HDAC4: variants seen among roughly 807,000 people sequenced by gnomAD.
HDAC4 encodes histone deacetylase 4.
A neutral mutation model predicts 135.1 loss-of-function variants in HDAC4; 16 were observed. The ratio of observed to expected loss-of-function variants is 0.12; its 90% CI spans 0.08 to 0.18. The LOEUF (loss-of-function observed/expected upper bound fraction) is 0.18, where lower values mean the gene tolerates loss of function less well. Among genes scored for constraint, HDAC4 ranks in the 10% least tolerant of loss-of-function variants. The pLI is 1.00. For missense variants in HDAC4, 1,143 were observed against 1,511.8 expected, an observed-to-expected ratio of 0.76 and a Z score of 4.05; for synonymous variants, 685 against 653.4, an observed-to-expected ratio of 1.05 and a Z score of -0.74.
intron 1 of HDAC4, among the ~76,000 whole-genome samples, chr2:239,360,440 A>T (rs1433271008): frequency 6.6e-6 from 1 of 152,194 alleles, no homozygotes; most frequent in African/African-American, 2.4e-5. Flanking sequence ...GGGTCTGCCC[A>T]GGCACCCTGC....
intron 13 of HDAC4, 77 bp from the exon 14 acceptor site, chr2:239,111,789 T>C: frequency 7.4e-7 from 1 of 1,348,524 alleles, no homozygotes; most frequent in African/African-American, 1.4e-5. Flanking sequence ...GGTTGCCCTC[T>C]CTTGCAAGTC....
intron 15 of HDAC4, among the ~76,000 whole-genome samples, chr2:239,105,507 G>T (rs1046625423): frequency 1.3e-5 from 2 of 152,220 alleles, no homozygotes; most frequent in Admixed American, 1.3e-4. Context: ...TGGGAGCCAC[G>T]TCTTGCTGGG....
chr2:239,084,126 G>A (rs1382698117), intron 20 of HDAC4, 29 bp downstream of exon 20: 1 of 1,555,796 alleles, frequency 6.4e-7, no homozygotes. Context: ...AGCAACCTGA[G>A]CTGCGCTGGC....
intron 7 of HDAC4, among the ~76,000 whole-genome samples, chr2:239,152,346 C>T (rs1434995672): frequency 1.3e-5 from 2 of 152,208 alleles, no homozygotes; most frequent in Admixed American, 6.5e-5. Context: ...ACACATTTGG[C>T]GGCTTCACAA....
At chr2:239,279,189 C>T (rs1332635916) in intron 2 of HDAC4, among the ~76,000 whole-genome samples, 1 of 152,198 alleles carries the variant, frequency 6.6e-6, no homozygotes, top group East Asian at 1.9e-4. Context: ...AAGCAAAGTG[C>T]CTGATTTGCT....
At chr2:239,182,226 A>C (rs1203435651) in intron 4 of HDAC4, among the ~76,000 whole-genome samples, 1 of 151,310 alleles carries the variant, frequency 6.6e-6, no homozygotes, top group African/African-American at 2.5e-5. Context: ...CTCAGAAAAC[A>C]AACACAGTCC....
intron 24 of HDAC4, among the ~76,000 whole-genome samples, chr2:239,060,857 G>A (rs1022955361): frequency 1.3e-5 from 2 of 152,250 alleles, no homozygotes; most frequent in Non-Finnish European, 1.5e-5. Flanking sequence ...CTCCTTTACA[G>A]AGGGGGCCCC....
chr2:239,338,842 G>A (rs1472832743), intron 2 of HDAC4, among the ~76,000 whole-genome samples: 1 of 152,140 alleles, frequency 6.6e-6, no homozygotes, highest in Admixed American at 6.5e-5. Flanking sequence ...TCCAGAGCAG[G>A]TGTCATCCAG....
At chr2:239,112,119 G>A (rs73097644) in intron 13 of HDAC4, among the ~76,000 whole-genome samples, 9,952 of 152,210 alleles carry the variant, frequency 0.065, 1,121 homozygotes, top group African/African-American at 0.23. Context: ...CAGGGGAGTA[G>A]GGCCTGGCAG....
At position 239,053,081 on chromosome 2, in the gene HDAC4, C is replaced by T. The variant is rs776582599; in HGVS notation, c.*16G>A. On this transcript the variant is annotated 3_prime_UTR_variant, in exon 27 of 27. Transcript: ENST00000543185. The stretch of plus-strand genomic sequence containing the variant: ...CAGAGACAGACAGACAAGAGAACAG[C>T]AGCTTCGAGGGAGTGCTACAGGGGC... 2 of 1,613,976 alleles carry T rather than the reference C, an allele frequency of 1.2e-6. No individual in the cohort carries two copies. The highest frequency in any genetic ancestry group is 4.5e-5 in the East Asian group (2 of 44,900).
chr2:239,383,408 G>A (rs186279088), intron 1 of HDAC4, among the ~76,000 whole-genome samples: 14 of 152,346 alleles, frequency 9.2e-5, no homozygotes, highest in African/African-American at 2.6e-4. Flanking sequence ...GGGAGATGGA[G>A]CAGGGCTTGG....
intron 2 of HDAC4, among the ~76,000 whole-genome samples, chr2:239,239,728 C>A (rs2048070467): frequency 6.6e-6 from 1 of 152,232 alleles, no homozygotes; most frequent in Non-Finnish European, 1.5e-5. Context: ...AAACCCCCAA[C>A]ACTGCCATGT....
intron 16 of HDAC4, among the ~76,000 whole-genome samples, chr2:239,096,370 A>AC (rs557023386): frequency 6.7e-4 from 54 of 80,574 alleles, no homozygotes; most frequent in Middle Eastern, 6.4e-3. Context: ...GATGCCTGCA[A>AC]CCCCCCCCGA....
At chr2:239,078,694 G>A (rs1054216560) in intron 22 of HDAC4, among the ~76,000 whole-genome samples, 3 of 152,200 alleles carry the variant, frequency 2.0e-5, no homozygotes, top group African/African-American at 7.2e-5. Context: ...TGGCTGGGCC[G>A]GCCGGGGCCT....
At chr2:239,251,869 A>G (rs1272395970) in intron 2 of HDAC4, among the ~76,000 whole-genome samples, 3 of 152,220 alleles carry the variant, frequency 2.0e-5, no homozygotes, top group East Asian at 1.9e-4. Context: ...AATCACTATT[A>G]CATTTCTGTT....
chr2:239,151,290 G>A (rs750922998), intron 7 of HDAC4, among the ~76,000 whole-genome samples: 1 of 152,166 alleles, frequency 6.6e-6, no homozygotes, highest in Non-Finnish European at 1.5e-5. Flanking sequence ...GATGCCCACC[G>A]CCCCACCTTG....
At chr2:239,072,388 TG>T (rs1170383485) in intron 22 of HDAC4, among the ~76,000 whole-genome samples, 1 of 152,244 alleles carries the variant, frequency 6.6e-6, no homozygotes, top group African/African-American at 2.4e-5. Flanking sequence ...CTGTGAGCTC[TG>T]GGGGTCCCCT....
intron 22 of HDAC4, among the ~76,000 whole-genome samples, chr2:239,073,289 G>T (rs73092810): frequency 0.013 from 1,905 of 152,336 alleles, 35 homozygotes; most frequent in African/African-American, 0.043. Context: ...TGTAGAAAGT[G>T]CTTTCCAAGG....
At chr2:239,324,060 T>C (rs2053398113) in intron 2 of HDAC4, among the ~76,000 whole-genome samples, 2 of 152,152 alleles carry the variant, frequency 1.3e-5, no homozygotes, top group Admixed American at 1.3e-4. Flanking sequence ...GTGTAACTTT[T>C]AAAATGCGAA....
Sources: gnomAD v4.1 joint callset for allele counts (sites outside exome capture counted in the v4.1 genomes callset) on GRCh38, gnomAD v4.1.1 for gene constraint, MANE v1.5 for transcripts, NCBI Gene and HGNC (gene_info 2026-07-23, HGNC 2026-07-21) for gene names.